PUM1: variants seen among roughly 807,000 people sequenced by gnomAD.
The protein encoded by PUM1 is pumilio RNA binding family member 1.
Under a neutral mutation model 131.8 loss-of-function variants are expected in PUM1, and 13 were observed. That is an observed-to-expected ratio of 0.10 (90% confidence interval 0.06 to 0.16). The LOEUF is 0.16. Among genes scored for constraint, PUM1 ranks in the 10% least tolerant of loss-of-function variants. The probability of loss-of-function intolerance (pLI) is 1.00; values close to 1 mark genes in which losing one functional copy is unlikely to be tolerated. For synonymous variants in PUM1, 509 were observed against 556.5 expected, an observed-to-expected ratio of 0.91 and a Z score of 1.20; for missense variants, 961 against 1,512.4, an observed-to-expected ratio of 0.64 and a Z score of 6.05.
At chr1:30,947,108 C>A (rs1266999106) in intron 17 of PUM1, among the ~76,000 whole-genome samples, 1 of 152,146 alleles carries the variant, frequency 6.6e-6, no homozygotes, top group Non-Finnish European at 1.5e-5. Context: ...GATGGAGACA[C>A]CAAGGAAGAG....
intron 2 of PUM1, among the ~76,000 whole-genome samples, chr1:31,049,469 T>TC (rs1250326605): frequency 6.6e-6 from 1 of 150,666 alleles, no homozygotes; most frequent in Admixed American, 6.7e-5. Context: ...TGAGCCAAGA[T>TC]CGCGCCATTG....
chr1:31,061,586 G>A (rs551376514), intron 1 of PUM1: 7 of 151,576 alleles, frequency 4.6e-5, no homozygotes, highest in Non-Finnish European at 7.4e-5. Flanking sequence ...GCGACAGAGC[G>A]AGACTCTGTC....
chr1:30,987,459 T>G (rs1641609113), intron 7 of PUM1, among the ~76,000 whole-genome samples: 1 of 152,160 alleles, frequency 6.6e-6, no homozygotes, highest in African/African-American at 2.4e-5. Flanking sequence ...CCTCCCAAAG[T>G]GCTGAGATTA....
chr1:30,969,791 T>C (rs928359619), intron 10 of PUM1, among the ~76,000 whole-genome samples: 2 of 152,098 alleles, frequency 1.3e-5, no homozygotes, highest in East Asian at 1.9e-4. Flanking sequence ...CTCTCCTGAG[T>C]AGCTGGTACT....
At chr1:30,954,099 T>C (rs1311200697) in intron 14 of PUM1, 118 bp from the exon 15 acceptor site, 2 of 1,112,734 alleles carry the variant, frequency 1.8e-6, no homozygotes, top group Non-Finnish European at 2.5e-6. Context: ...AATGCTGTTG[T>C]TTTTGTGTCA....
chr1:31,040,428 T>C (rs1643778922), intron 2 of PUM1, among the ~76,000 whole-genome samples: 1 of 152,136 alleles, frequency 6.6e-6, no homozygotes, highest in South Asian at 2.1e-4. Context: ...GCTTGAAAGA[T>C]GAGGAAAAGG....
chr1:30,944,350 C>T (rs746425940), intron 18 of PUM1, among the ~76,000 whole-genome samples: 15 of 152,268 alleles, frequency 9.9e-5, no homozygotes, highest in African/African-American at 3.4e-4. Flanking sequence ...GTTTTACTGT[C>T]CTGTCCCACC....
chr1:30,956,493 A>C, intron 14 of PUM1, among the ~76,000 whole-genome samples: 1 of 152,064 alleles, frequency 6.6e-6, no homozygotes, highest in East Asian at 1.9e-4. Context: ...CAAACTCCTG[A>C]CCTCATGTGA....
At chr1:30,983,455 G>A (rs748643505) in intron 7 of PUM1, among the ~76,000 whole-genome samples, 2 of 151,942 alleles carry the variant, frequency 1.3e-5, no homozygotes, top group Non-Finnish European at 2.9e-5. Context: ...GATGTTTTTC[G>A]AGCACCTATT....
Position 30,950,256 on chromosome 1 carries a change from G to A in PUM1, c.2727C>T (p.Gly909=), listed in dbSNP as rs150516130. 9,919 of 1,612,428 alleles carry A rather than the reference G, an allele frequency of 6.2e-3. 30 individuals carry two copies. The highest frequency in any genetic ancestry group is 7.4e-3 in the Non-Finnish European group (8,761 of 1,179,292). The change falls in exon 17 of 22, where the codon GGC becomes GGT. Residue 909 remains glycine (G), a synonymous_variant. Coordinates refer to ENST00000426105, the MANE Select transcript of PUM1 (RefSeq NM_001020658.2). Reference sequence around the variant, plus strand: ...CCAAAGCCAGCTTCTGTTCAAGACTGCCAAACTAGACATAATGTGTGGGTA... The same window carrying A: ...CCAAAGCCAGCTTCTGTTCAAGACTACCAAACTAGACATAATGTGTGGGTA... ...NYVIQKFFEF[G]SLEQKLALAE...
intron 10 of PUM1, among the ~76,000 whole-genome samples, chr1:30,971,395 C>G (rs2124450275): frequency 6.6e-6 from 1 of 152,266 alleles, no homozygotes; most frequent in East Asian, 1.9e-4. Context: ...AAAACTAATG[C>G]TAAAAACTTC....
intron 2 of PUM1, among the ~76,000 whole-genome samples, chr1:31,038,568 T>C (rs774786400): frequency 1.3e-5 from 2 of 152,182 alleles, no homozygotes; most frequent in African/African-American, 2.4e-5. Flanking sequence ...TGACAGGCAT[T>C]ACATACAAAT....
chr1:30,985,777 A>T (rs1361707912), intron 7 of PUM1, among the ~76,000 whole-genome samples: 1 of 152,128 alleles, frequency 6.6e-6, no homozygotes, highest in African/African-American at 2.4e-5. Context: ...TACTTTCTGC[A>T]TTATACTACT....
rs1361685447 is a variant in PUM1, at chr1:30,968,433, C to T, written c.1566G>A (p.Gln522=). 2 of 1,599,136 alleles carry T rather than the reference C, an allele frequency of 1.3e-6. No individual in the cohort carries two copies. Among genetic ancestry groups the T allele is most frequent in the South Asian group, 2.3e-5 (2 of 88,340 alleles). The change falls in exon 11 of 22, where the codon CAG becomes CAA. Residue 522 remains glutamine, a synonymous_variant. Coordinates refer to ENST00000426105, the MANE Select transcript of PUM1 (RefSeq NM_001020658.2). ...CAGCTGCCACAAGGGGATCCGTTTGCTGTCCCTGCTGGTTCTGGTTTGGGG... is the reference window on the plus strand; with the variant it reads ...CAGCTGCCACAAGGGGATCCGTTTGTTGTCCCTGCTGGTTCTGGTTTGGGG... ...PLTPNQNQQG[Q]QTDPLVAAAA... is the part of the protein sequence containing the mutation.
intron 5 of PUM1, among the ~76,000 whole-genome samples, chr1:31,001,776 T>C (rs1642224531): frequency 6.6e-6 from 1 of 152,236 alleles, no homozygotes; most frequent in African/African-American, 2.4e-5. Flanking sequence ...TAAAAATTGC[T>C]AGACATACTA....
At chr1:31,064,042 G>C (rs1376961320) in intron 1 of PUM1, among the ~76,000 whole-genome samples, 1 of 152,142 alleles carries the variant, frequency 6.6e-6, no homozygotes, top group Non-Finnish European at 1.5e-5. Context: ...TAAGCAACTA[G>C]AAGTGCTCAG....
chr1:31,006,885 T>G (rs1642416943), intron 4 of PUM1, 109 bp downstream of exon 4: 1 of 784,910 alleles, frequency 1.3e-6, no homozygotes, highest in South Asian at 1.7e-5. Flanking sequence ...GAGAGGACAC[T>G]GCTTGACATG....
intron 11 of PUM1, 73 bp downstream of exon 11, chr1:30,968,281 T>TC (rs906524615): frequency 6.3e-7 from 1 of 1,589,248 alleles, no homozygotes; most frequent in Non-Finnish European, 8.6e-7. Context: ...CACTGCTCAT[T>TC]CCCCTCTGTA....
At chr1:31,054,475 C>T (rs1443263026) in intron 2 of PUM1, among the ~76,000 whole-genome samples, 2 of 147,258 alleles carry the variant, frequency 1.4e-5, no homozygotes, top group African/African-American at 5.0e-5. Context: ...CGCTAGTTCA[C>T]TAGTGAAAGC....
Sources: gnomAD v4.1 joint callset for allele counts (sites outside exome capture counted in the v4.1 genomes callset) on GRCh38, gnomAD v4.1.1 for gene constraint, MANE v1.5 for transcripts, NCBI Gene and HGNC (gene_info 2026-07-23, HGNC 2026-07-21) for gene names.